The following MYH3 variants were observed in gnomAD, a reference collection of about 807,000 sequenced individuals.
MYH3 encodes myosin heavy chain 3.
Under a neutral mutation model 238.0 loss-of-function variants are expected in MYH3, and 130 were observed. The ratio of observed to expected loss-of-function variants is 0.55; its 90% CI spans 0.47 to 0.63. The LOEUF (loss-of-function observed/expected upper bound fraction) is 0.63. Among genes scored for constraint, MYH3 ranks in the 30% least tolerant of loss-of-function variants. The probability of loss-of-function intolerance (pLI) is 0.00; values close to 1 mark genes in which losing one functional copy is unlikely to be tolerated. For missense variants in MYH3, 1,853 were observed against 2,374.9 expected, an observed-to-expected ratio of 0.78 and a Z score of 4.57; for synonymous variants, 880 against 924.1, an observed-to-expected ratio of 0.95 and a Z score of 0.86.
At chr17:10,650,480 A>T in intron 5 of MYH3, 79 bp from the exon 6 acceptor site, 1 of 1,333,666 alleles carries the variant, frequency 7.5e-7, no homozygotes, top group Non-Finnish European at 1.1e-6. Flanking sequence ...TCAAGTAGCC[A>T]GAGTTAAATT....
chr17:10,636,580 G>C (rs2074217906), intron 28 of MYH3, among the ~76,000 whole-genome samples: 1 of 152,026 alleles, frequency 6.6e-6, no homozygotes. Context: ...ACATAGAATG[G>C]GGCTTTATGG....
chr17:10,670,080 C>T, the MYH3 span, among the ~76,000 whole-genome samples: 350 of 152,294 alleles, frequency 2.3e-3, 1 homozygote, highest in African/African-American at 6.9e-3. This position sits in a 1 kb window ranked among gnomAD's most constrained non-coding sequence, Gnocchi z 7.0. Flanking sequence ...ATCAGTCCCA[C>T]GTGTGACATT....
At position 10,629,810 on chromosome 17, in the gene MYH3, T is replaced by G. The variant is rs777469983; in HGVS notation, c.5658+32A>C. 7.4e-6 allele frequency: 12 copies of G among 1,614,062 alleles called. No individual in the cohort carries two copies. The South Asian group carries it at 7.7e-5, about 10-fold the overall frequency. On this transcript the variant is annotated intron_variant, in intron 39 of 40. Coordinates refer to ENST00000583535, the MANE Select transcript of MYH3 (RefSeq NM_002470.4). The stretch of plus-strand genomic sequence containing the variant: ...ACTCACCACGGGAAACAGCACGGTC[T>G]GCCTGCCGCAGTCAGCACCTATCTC...
the MYH3 span, chr17:10,678,128 A>G: frequency 1.4e-5 from 2 of 142,268 alleles, no homozygotes; most frequent in Non-Finnish European, 3.0e-5. Flanking sequence ...AAAAGAAAAG[A>G]AAAAAAAAAC....
rs758637062 is a variant in MYH3 at position 10,630,321 on chromosome 17, G to C, written c.5424C>G (p.Gly1808=). Residue 1808 remains glycine, a synonymous_variant, in exon 37 of 41, where the codon GGC becomes GGG. Coordinates refer to ENST00000583535, the MANE Select transcript of MYH3 (RefSeq NM_002470.4). ...CCAGTTTCTGGATCTGCTTCTTCCCGCCCTTCAGCGCCAGCTGCTCGGCCT... is the reference window on the plus strand; with the variant it reads ...CCAGTTTCTGGATCTGCTTCTTCCCCCCCTTCAGCGCCAGCTGCTCGGCCT... The part of the protein sequence containing the change: ...LDEAEQLALK[G]GKKQIQKLET... 6.2e-7 allele frequency: 1 copy of C among 1,614,042 alleles called. No individual in the cohort carries two copies. Among genetic ancestry groups the C allele is most frequent in the Non-Finnish European group, 8.5e-7 (1 of 1,180,046 alleles).
Position 10,654,320 on chromosome 17 carries a change from T to G in MYH3, c.204+541A>C, listed in dbSNP as rs1016976205. ...ATGTGGATTTTAGAAACTAGTGAGC[T>G]CCAGAATTCCTCGCAGCACCCCCAC... On this transcript the variant is annotated intron_variant, in intron 3 of 40. Transcript: ENST00000583535. The surrounding 1 kb of genome is among the most constrained non-coding windows in gnomAD (Gnocchi z 4.5). Among the ~76,000 whole-genome samples the G allele has an allele frequency of 6.6e-6, 1 of 152,158 alleles. No homozygotes were observed. The highest frequency in any genetic ancestry group is 2.4e-5 in the African/African-American group (1 of 41,444).
Position 10,631,951 on chromosome 17 carries a change from A to G in MYH3, c.5022T>C (p.Ile1674=), listed in dbSNP as rs1408038507. The part of the protein sequence containing the change: ...GQEDLKEQLA[I]VERRANLLQA... Reference sequence around the variant, plus strand: ...GCAGCAGGTTGGCTCTGCGCTCCACAATCGCCAGCTGCTCCTTCAGGTCCT... The same window carrying G: ...GCAGCAGGTTGGCTCTGCGCTCCACGATCGCCAGCTGCTCCTTCAGGTCCT... Residue 1674 remains isoleucine, a synonymous_variant, in exon 35 of 41, where the codon ATT becomes ATC. Coordinates refer to ENST00000583535, the MANE Select transcript of MYH3 (RefSeq NM_002470.4). 2 of 1,614,008 alleles carry G rather than the reference A, an allele frequency of 1.2e-6. No individual in the cohort carries two copies. The highest frequency in any genetic ancestry group is 1.7e-6 in the Non-Finnish European group (2 of 1,180,006).
In MYH3 at chr17:10,641,185, G is replaced by A. The variant is rs764136105; in HGVS notation, c.2065C>T (p.Leu689Phe). Residue 689 changes from leucine (L) to phenylalanine (F), a missense_variant, in exon 19 of 41, where the codon CTT becomes TTT. By Grantham distance (22) the Leu-to-Phe change is conservative. Coordinates refer to ENST00000583535, the MANE Select transcript of MYH3 (RefSeq NM_002470.4). ...TKTPGAMEHS[L>F]VLHQLRCNGV... ...TTACACCGCAGCTGGTGCAGAACAA[G>A]GCTGTGTTCCATAGCCCCTGGGAAC... is the stretch of plus-strand genomic sequence containing the variant. 6.2e-7 allele frequency: 1 copy of A among 1,614,160 alleles called. No individual in the cohort carries two copies. The highest frequency in any genetic ancestry group is 8.5e-7 in the Non-Finnish European group (1 of 1,180,032).
chr17:10,635,046 C>A (rs2074200143), intron 30 of MYH3, 23 bp from the exon 31 acceptor site: 2 of 1,610,264 alleles, frequency 1.2e-6, no homozygotes, highest in Non-Finnish European at 1.7e-6. Context: ...GAAAGAGAAG[C>A]AGCTGTTATT....
intron 38 of MYH3, 45 bp from the exon 39 acceptor site, chr17:10,629,982 AT>A (rs1206581842): frequency 6.8e-6 from 11 of 1,610,034 alleles, no homozygotes; most frequent in Non-Finnish European, 9.4e-6. Context: ...GAGGGGGCAG[AT>A]TTGCACACGG....
Position 10,632,572 on chromosome 17 carries a change from C to T in MYH3, c.4860G>A (p.Glu1620=), listed in dbSNP as rs1474143254. ...NEAIRLKKKM[E]GDLNEIEIQL... is the part of the protein sequence containing the mutation. ...GGATCTCGATTTCATTCAGGTCCCC[C>T]TCCATCTTCTTCTTGAGCCGGATGG... is the stretch of plus-strand genomic sequence containing the variant. Residue 1620 remains glutamate, a synonymous_variant, in exon 34 of 41, where the codon GAG becomes GAA. Coordinates refer to ENST00000583535, the MANE Select transcript of MYH3 (RefSeq NM_002470.4). The T allele has an allele frequency of 1.7e-5, 27 of 1,614,192 alleles. No individual in the cohort carries two copies. Among genetic ancestry groups the T allele is most frequent in the Non-Finnish European group, 2.3e-5 (27 of 1,180,048 alleles).
intron 28 of MYH3, among the ~76,000 whole-genome samples, chr17:10,636,653 C>T (rs746409463): frequency 4.6e-5 from 7 of 152,254 alleles, no homozygotes; most frequent in African/African-American, 1.2e-4. Context: ...CGGTGGCTCA[C>T]GCCTGTAATC....
chr17:10,675,472 T>A, the MYH3 span: 1 of 152,148 alleles, frequency 6.6e-6, no homozygotes, highest in Admixed American at 6.6e-5. Context: ...TCTTTTGGAG[T>A]TATAGGGTGC....
intron 17 of MYH3, 133 bp from the exon 18 acceptor site, chr17:10,641,505 T>G: frequency 4.5e-5 from 4 of 89,722 alleles, no homozygotes; most frequent in East Asian, 9.6e-5. Context: ...GATTTAACTC[T>G]GTCTTTTTTT....
In MYH3 at chr17:10,630,412, G is replaced by A; in HGVS notation, c.5333C>T (p.Ala1778Val). Reference protein sequence around the residue: ...EELKKEQDTSAHLERMKKNLE... With the variant: ...EELKKEQDTSVHLERMKKNLE... The stretch of plus-strand genomic sequence containing the variant: ...GTTCTTCTTCATCCGCTCAAGGTGG[G>A]CGCTGGTGTCCTGCTCCTTCTTCAG... The change falls in exon 37 of 41, where the codon GCC becomes GTC. Residue 1778 changes from alanine (A) to valine (V), a missense_variant. By Grantham distance (64) the Ala-to-Val change is moderately conservative. This residue lies in a region of MYH3 where 1,044 missense variants were observed against 1,192.6 expected (regional missense o/e 0.88). Transcript: ENST00000583535. The A allele has an allele frequency of 1.2e-6, 2 of 1,614,150 alleles. No homozygotes were observed. Among genetic ancestry groups the A allele is most frequent in the Non-Finnish European group, 1.7e-6 (2 of 1,180,020 alleles).
At chr17:10,633,548 A>C (rs2074184715) in intron 33 of MYH3, 43 bp downstream of exon 33, 1 of 1,609,504 alleles carries the variant, frequency 6.2e-7, no homozygotes, top group African/African-American at 1.3e-5. Flanking sequence ...GCCGTGGCTC[A>C]CCATGGCTGC....
At position 10,638,143 on chromosome 17, in the gene MYH3, T is replaced by C. The variant is rs763483836; in HGVS notation, c.3629A>G (p.Asn1210Ser). 1.2e-5 allele frequency: 19 copies of C among 1,613,532 alleles called. No individual in the cohort carries two copies. The highest frequency in any genetic ancestry group is 1.6e-4 in the Middle Eastern group (1 of 6,084). The change falls in exon 27 of 41, where the codon AAC becomes AGC. Residue 1210 changes from asparagine (N) to serine (S), a missense_variant. By Grantham distance (46) the Asn-to-Ser change is conservative (BLOSUM62 1). Transcript: ENST00000583535. ...CAGCTTCTGCTTGACCCGCTGCAGGTTGTCAATCTGCTCCCCAAGCTCGGC... is the reference window on the plus strand; with the variant it reads ...CAGCTTCTGCTTGACCCGCTGCAGGCTGTCAATCTGCTCCCCAAGCTCGGC... The part of the protein sequence containing the change: ...SVAELGEQID[N>S]LQRVKQKLEK...
At chr17:10,655,676 T>TG (rs1224202414) in intron 2 of MYH3, among the ~76,000 whole-genome samples, 1 of 151,806 alleles carries the variant, frequency 6.6e-6, no homozygotes, top group African/African-American at 2.4e-5. Flanking sequence ...TTTTTTGAGA[T>TG]GGAGTCTCAC....
chr17:10,651,269 T>G (rs924047687), intron 5 of MYH3, among the ~76,000 whole-genome samples: 33 of 152,104 alleles, frequency 2.2e-4, no homozygotes, highest in African/African-American at 7.2e-4. Flanking sequence ...CAGTTTTTGG[T>G]TTTGATCCAT....
Sources: allele counts gnomAD v4.1 joint callset (sites outside exome capture counted in the v4.1 genomes callset), GRCh38; gene constraint gnomAD v4.1.1; regional missense constraint gnomAD v4.1.1; non-coding constraint Gnocchi (gnomAD v3.1); transcripts MANE v1.5; gene names NCBI Gene and HGNC (gene_info 2026-07-23, HGNC 2026-07-21).